The following SEMA3D variants were observed in gnomAD, a reference collection of about 807,000 sequenced individuals.
SEMA3D encodes semaphorin-3D.
A neutral mutation model predicts 100.1 loss-of-function variants in SEMA3D; 84 were observed. That is an observed-to-expected ratio of 0.84 (90% CI 0.70 to 1.01). The LOEUF is 1.01. Ranked by LOEUF, SEMA3D falls within the 50% of genes least tolerant of loss-of-function variation. The pLI, the probability that SEMA3D is intolerant of heterozygous loss-of-function variation, is 0.00. For missense variants in SEMA3D, 875 were observed against 934.1 expected, an observed-to-expected ratio of 0.94 and a Z score of 0.82; for synonymous variants, 312 against 320.7, an observed-to-expected ratio of 0.97 and a Z score of 0.29.
At chr7:85,120,529 A>G (rs979749902) in intron 3 of SEMA3D, among the ~76,000 whole-genome samples, 46 of 151,850 alleles carry the variant, frequency 3.0e-4, no homozygotes, top group African/African-American at 1.0e-3. Flanking sequence ...TTAACCAAGC[A>G]TGGTGGTGGG....
chr7:85,079,951 A>T (rs1381483868), intron 5 of SEMA3D, among the ~76,000 whole-genome samples: 2 of 152,208 alleles, frequency 1.3e-5, no homozygotes, highest in Non-Finnish European at 2.9e-5. Context: ...CTGGATGAAG[A>T]TACCAAAGCC....
chr7:85,064,048 G>A (rs1791547116), intron 8 of SEMA3D, among the ~76,000 whole-genome samples: 1 of 152,108 alleles, frequency 6.6e-6, no homozygotes, highest in South Asian at 2.1e-4. Context: ...GCATATCTAG[G>A]CAAATAATAA....
chr7:85,158,865 G>C (rs890163686), intron 1 of SEMA3D, among the ~76,000 whole-genome samples: 1 of 152,004 alleles, frequency 6.6e-6, no homozygotes, highest in African/African-American at 2.4e-5. Context: ...AAATATCAGA[G>C]GTGAATTTCA....
chr7:85,163,983 C>T (rs1037675644), intron 1 of SEMA3D, among the ~76,000 whole-genome samples: 16 of 152,022 alleles, frequency 1.1e-4, no homozygotes, highest in Non-Finnish European at 1.5e-5. Context: ...AAGTAATAAT[C>T]ACCAATCTTT....
the SEMA3D span, among the ~76,000 whole-genome samples, chr7:85,226,925 G>A: frequency 6.6e-6 from 1 of 152,034 alleles, no homozygotes; most frequent in Non-Finnish European, 1.5e-5. Flanking sequence ...GATAACTGAT[G>A]GTAAATGAAA....
At chr7:85,159,677 G>T (rs1790692165) in intron 1 of SEMA3D, among the ~76,000 whole-genome samples, 1 of 152,138 alleles carries the variant, frequency 6.6e-6, no homozygotes, top group Non-Finnish European at 1.5e-5. Context: ...TGAATAAAAT[G>T]ATGTCTTATT....
chr7:85,144,956 G>C (rs1198224842), intron 2 of SEMA3D, among the ~76,000 whole-genome samples: 2 of 152,032 alleles, frequency 1.3e-5, no homozygotes, highest in East Asian at 1.9e-4. Flanking sequence ...CACAATTCTA[G>C]CTTGGCTTTA....
intron 12 of SEMA3D, among the ~76,000 whole-genome samples, chr7:85,026,323 T>C (rs910578323): frequency 1.8e-4 from 28 of 152,060 alleles, no homozygotes; most frequent in African/African-American, 6.3e-4. Context: ...TGAGCAAATA[T>C]TAAAGAGAAA....
In SEMA3D at chr7:85,022,570, T is replaced by A; in HGVS notation, c.1235A>T (p.Asp412Val). Residue 412 changes from aspartate to valine, a missense_variant, in exon 13 of 19, where the codon GAT (aspartate) becomes GTT (valine). Transcript: ENST00000284136. Reference sequence around the variant, plus strand: ...GAAACTGATGACATCATCTGGAAAATCTCGGGTGGACTTAATCAGTGGGTC... The same window carrying A: ...GAAACTGATGACATCATCTGGAAAAACTCGGGTGGACTTAATCAGTGGGTC... ...TYDPLIKSTR[D>V]FPDDVISFIK... 6.2e-7 allele frequency: 1 copy of A among 1,612,504 alleles called. No individual in the cohort carries two copies. Among genetic ancestry groups the A allele is most frequent in the East Asian group, 2.2e-5 (1 of 44,804 alleles).
chr7:85,141,451 T>C, intron 2 of SEMA3D: 1 of 984,984 alleles, frequency 1.0e-6, no homozygotes, highest in Non-Finnish European at 1.2e-6. Flanking sequence ...AAAAGATTGG[T>C]GTCTTGATCT....
At chr7:85,227,368 T>C in the SEMA3D span, among the ~76,000 whole-genome samples, 7 of 152,094 alleles carry the variant, frequency 4.6e-5, no homozygotes, top group Non-Finnish European at 8.8e-5. Flanking sequence ...TGAGGGCAGA[T>C]TGCTCATGAC....
At chr7:85,188,941 G>A (rs1473463816), upstream of SEMA3D, among the ~76,000 whole-genome samples, 1 of 152,006 alleles carries the variant, frequency 6.6e-6, no homozygotes, top group East Asian at 1.9e-4. Context: ...AAAAGTGTTG[G>A]CTGTTTTGTG....
Position 85,007,458 on chromosome 7 carries a change from G to C in SEMA3D, c.1769-517C>G, listed in dbSNP as rs150108136. On this transcript the variant is annotated intron_variant, in intron 17 of 18. Transcript: ENST00000284136. ...CCTGACAAAATTCTATGATGATGATGATGAGCCAGATGCACTAATACTCAA... is the reference window on the plus strand; with the variant it reads ...CCTGACAAAATTCTATGATGATGATCATGAGCCAGATGCACTAATACTCAA... 5.7e-3 allele frequency among the ~76,000 whole-genome samples: 864 copies of C among 151,828 alleles called. 5 individuals carry two copies. Among genetic ancestry groups the C allele is most frequent in the Middle Eastern group, 0.024 (7 of 294 alleles).
chr7:85,097,299 G>C (rs1316272803), intron 4 of SEMA3D, among the ~76,000 whole-genome samples: 5 of 151,888 alleles, frequency 3.3e-5, no homozygotes, highest in Admixed American at 6.6e-5. Flanking sequence ...TACTTGCTGA[G>C]AGTGATTGAC....
the SEMA3D span, among the ~76,000 whole-genome samples, chr7:85,235,983 T>C: frequency 6.6e-6 from 1 of 152,190 alleles, no homozygotes; most frequent in Non-Finnish European, 1.5e-5. Flanking sequence ...GAGTTACTTC[T>C]GTACAACTAA....
chr7:85,145,104 AT>A lies in SEMA3D; in HGVS notation c.-41+8503del, dbSNP rs1417287979. ...GAGCATCACAAAAATCTAATTCCAA[AT>A]TTTTAAACTCTTTCTGGAATGATGC... On this transcript the variant is annotated intron_variant, in intron 2 of 18. Transcript: ENST00000284136. 3.1e-3 allele frequency among the ~76,000 whole-genome samples: 479 copies of A among 152,294 alleles called. 9 individuals carry two copies. Among genetic ancestry groups the A allele is most frequent in the Non-Finnish European group, 6.0e-4 (41 of 68,006 alleles).
chr7:85,141,721 T>G, intron 2 of SEMA3D: 1 of 898,274 alleles, frequency 1.1e-6, no homozygotes, highest in East Asian at 1.2e-4. Flanking sequence ...TAGTATCTAA[T>G]AATGTTTTCT....
intron 18 of SEMA3D, among the ~76,000 whole-genome samples, chr7:85,005,944 G>A (rs868031585): frequency 6.6e-6 from 1 of 151,992 alleles, no homozygotes; most frequent in African/African-American, 2.4e-5. Flanking sequence ...ATATTTTAGA[G>A]AAATTTGATT....
upstream of SEMA3D, among the ~76,000 whole-genome samples, chr7:85,187,843 C>T (rs1791605079): frequency 6.6e-6 from 1 of 152,174 alleles, no homozygotes. Flanking sequence ...CCGTCAGGGA[C>T]ATTAAAAAGG....
Sources: allele counts gnomAD v4.1 joint callset (sites outside exome capture counted in the v4.1 genomes callset), GRCh38; gene constraint gnomAD v4.1.1; transcripts MANE v1.5; gene names NCBI Gene and HGNC (gene_info 2026-07-23, HGNC 2026-07-21).